Variants in ZFP82 observed in about 807,000 individuals in gnomAD.
ZFP82 encodes ZFP82 zinc finger protein.
ZFP82 carries 30 observed loss-of-function variants against 54.0 expected under a neutral mutation model. The ratio of observed to expected loss-of-function variants is 0.56; its 90% CI spans 0.42 to 0.75. The LOEUF (loss-of-function observed/expected upper bound fraction) is 0.75. Among genes scored for constraint, ZFP82 ranks in the 30% least tolerant of loss-of-function variants. The pLI is 0.00. For missense variants in ZFP82, 500 were observed against 636.8 expected (o/e 0.79, Z 2.31); for synonymous variants, 194 against 209.5 (o/e 0.93, Z 0.64).
chr19:36,398,427 C>T (rs974081085), intron 4 of ZFP82, among the ~76,000 whole-genome samples: 8 of 151,738 alleles, frequency 5.3e-5, no homozygotes, highest in African/African-American at 1.9e-4. Flanking sequence ...GTCCCAGCTA[C>T]TTGGGAGGCT....
At chr19:36,398,303 C>G (rs2145584563) in intron 4 of ZFP82, among the ~76,000 whole-genome samples, 1 of 152,200 alleles carries the variant, frequency 6.6e-6, no homozygotes, top group East Asian at 1.9e-4. Context: ...CTTTGGGAGG[C>G]CAAGGTAGGT....
chr19:36,387,946 A>G (rs2032134087), downstream of ZFP82, among the ~76,000 whole-genome samples: 1 of 152,222 alleles, frequency 6.6e-6, no homozygotes, highest in South Asian at 2.1e-4. Flanking sequence ...AAACAGACTA[A>G]GAAAAAAGGT....
At chr19:36,398,777 G>C (rs954088311) in intron 4 of ZFP82, among the ~76,000 whole-genome samples, 1 of 152,052 alleles carries the variant, frequency 6.6e-6, no homozygotes, top group Non-Finnish European at 1.5e-5. Flanking sequence ...CCTCTAACTC[G>C]TGGGCTCAAG....
intron 4 of ZFP82, among the ~76,000 whole-genome samples, chr19:36,400,363 A>C (rs936669032): frequency 1.3e-5 from 2 of 152,200 alleles, no homozygotes; most frequent in Non-Finnish European, 2.9e-5. Context: ...GTTCCAGGGA[A>C]GTCCTATTTG....
chr19:36,414,107 A>G (rs924748771), intron 1 of ZFP82, among the ~76,000 whole-genome samples: 14 of 151,732 alleles, frequency 9.2e-5, no homozygotes, highest in South Asian at 6.3e-4. Context: ...TCACCATGTT[A>G]GCCAACATAG....
chr19:36,416,802 G>C (rs567363698), intron 1 of ZFP82, among the ~76,000 whole-genome samples: 131 of 150,836 alleles, frequency 8.7e-4, no homozygotes, highest in Non-Finnish European at 1.2e-3. Context: ...GCTGGGGGCG[G>C]TGGCTCATGC....
chr19:36,404,475 A>T (rs1305797498), intron 4 of ZFP82, among the ~76,000 whole-genome samples: 1 of 152,208 alleles, frequency 6.6e-6, no homozygotes, highest in South Asian at 2.1e-4. Flanking sequence ...TTGATAAACG[A>T]CTTCCAGCCT....
intron 4 of ZFP82, chr19:36,395,831 G>C (rs2032283949): frequency 6.6e-6 from 1 of 152,036 alleles, no homozygotes; most frequent in African/African-American, 2.4e-5. Flanking sequence ...AAATTCAAAA[G>C]TCTATATTAA....
intron 1 of ZFP82, among the ~76,000 whole-genome samples, chr19:36,412,973 C>T (rs1181003623): frequency 1.3e-5 from 2 of 152,150 alleles, no homozygotes; most frequent in Non-Finnish European, 2.9e-5. Flanking sequence ...ACTGTATTTC[C>T]CCCAAGGACT....
At chr19:36,403,635 A>AG (rs2032432678) in intron 4 of ZFP82, among the ~76,000 whole-genome samples, 1 of 151,580 alleles carries the variant, frequency 6.6e-6, no homozygotes, top group South Asian at 2.1e-4. Flanking sequence ...AAAAAAAAAA[A>AG]AAAACCTTTT....
intron 3 of ZFP82, among the ~76,000 whole-genome samples, chr19:36,407,520 T>C (rs1341203810): frequency 3.3e-5 from 5 of 152,248 alleles, no homozygotes; most frequent in African/African-American, 1.2e-4. Flanking sequence ...TTGATAGAGC[T>C]AATTCAATAA....
downstream of ZFP82, among the ~76,000 whole-genome samples, chr19:36,386,967 G>C (rs886289063): frequency 1.3e-5 from 2 of 152,132 alleles, no homozygotes; most frequent in African/African-American, 2.4e-5. Flanking sequence ...TGCACTGTTG[G>C]GTTTTGGACC....
In ZFP82 at chr19:36,390,046, C is replaced by A. The variant is rs546152587; in HGVS notation, c.*2695G>T. Among the ~76,000 whole-genome samples, 11 of 152,260 alleles carry A rather than the reference C, an allele frequency of 7.2e-5. No individual in the cohort carries two copies. In the East Asian group the frequency reaches 1.9e-3, roughly 27 times the overall value. ...CTTGTCCATTCCTTCCCATGAAAAC[C>A]CCCAATAAAAGCTCTGGGCCATGCT... is the stretch of plus-strand genomic sequence containing the variant. On this transcript the variant is annotated 3_prime_UTR_variant, in exon 5 of 5. Transcript: ENST00000392161.
chr19:36,411,107 C>T (rs1293010963), intron 1 of ZFP82, among the ~76,000 whole-genome samples: 1 of 115,464 alleles, frequency 8.7e-6, no homozygotes, highest in Non-Finnish European at 2.1e-5. Context: ...GGAGGAGAAT[C>T]GCTTGGACCT....
At chr19:36,412,446 CTA>C (rs2032597528) in intron 1 of ZFP82, among the ~76,000 whole-genome samples, 1 of 152,174 alleles carries the variant, frequency 6.6e-6, no homozygotes, top group Non-Finnish European at 1.5e-5. Context: ...CAAGCAGCTT[CTA>C]TGTTTTTACT....
At chr19:36,384,586 C>G (rs1250708570), downstream of ZFP82, among the ~76,000 whole-genome samples, 1 of 152,186 alleles carries the variant, frequency 6.6e-6, no homozygotes, top group East Asian at 1.9e-4. Flanking sequence ...AAATATAGTA[C>G]ACAGAGCTCT....
chr19:36,383,334 A>G (rs2032080547), exon 2 of ZFP82: 1 of 152,212 alleles, frequency 6.6e-6, no homozygotes, highest in African/African-American at 2.4e-5. Flanking sequence ...AACTTGTCAC[A>G]TTAACAAACT....
At chr19:36,397,942 T>C (rs138086844) in intron 4 of ZFP82, among the ~76,000 whole-genome samples, 1 of 152,178 alleles carries the variant, frequency 6.6e-6, no homozygotes. Flanking sequence ...ATGGAAGAGA[T>C]AGATGTTAAT....
In ZFP82 at chr19:36,392,527, A is replaced by C; in HGVS notation, c.*214T>G. The C allele has an allele frequency of 2.0e-6, 1 of 495,966 alleles. No individual in the cohort carries two copies. Among genetic ancestry groups the C allele is most frequent in the Non-Finnish European group, 3.5e-6 (1 of 286,116 alleles). 30.7% of individuals were successfully genotyped at this position (495,966 alleles called of 1,614,324 possible). On this transcript the variant is annotated 3_prime_UTR_variant, in exon 5 of 5. Transcript: ENST00000392161. Reference sequence around the variant, plus strand: ...GACACAAAGTGATGGGATAGGGATGACGGTAAATGTCTTTTTCATTCTTAT... The same window carrying C: ...GACACAAAGTGATGGGATAGGGATGCCGGTAAATGTCTTTTTCATTCTTAT...
Sources: allele counts gnomAD v4.1 joint callset (sites outside exome capture counted in the v4.1 genomes callset), GRCh38; gene constraint gnomAD v4.1.1; transcripts MANE v1.5; gene names NCBI Gene and HGNC (gene_info 2026-07-23, HGNC 2026-07-21).